GLIS3: variants seen among roughly 807,000 people sequenced by gnomAD.
GLIS3 encodes GLIS family zinc finger 3, also known as zinc finger protein GLIS3.
Under a neutral mutation model 78.6 loss-of-function variants are expected in GLIS3, and 53 were observed. That is an observed-to-expected ratio of 0.67 (90% CI 0.54 to 0.85). The LOEUF is 0.85. Ranked by LOEUF, GLIS3 falls within the 40% of genes least tolerant of loss-of-function variation. The pLI is 0.00. For missense variants in GLIS3, 1,703 were observed against 1,231.1 expected, an observed-to-expected ratio of 1.38 and a Z score of -5.74; for synonymous variants, 684 against 509.9, an observed-to-expected ratio of 1.34 and a Z score of -4.60.
intron 2 of GLIS3, among the ~76,000 whole-genome samples, chr9:4,279,410 T>A (rs986283818): frequency 6.7e-6 from 1 of 148,396 alleles, no homozygotes; most frequent in South Asian, 2.1e-4. Context: ...TCAGCGTTTT[T>A]TTTAATGAAA....
chr9:4,299,163 T>G (rs1487308848), intron 1 of GLIS3, among the ~76,000 whole-genome samples: 2 of 152,182 alleles, frequency 1.3e-5, no homozygotes, highest in African/African-American at 2.4e-5. Flanking sequence ...CTGGGCGCTC[T>G]TAGGCCACTG....
At chr9:4,380,273 C>CT in the GLIS3 span, among the ~76,000 whole-genome samples, 1 of 152,156 alleles carries the variant, frequency 6.6e-6, no homozygotes, top group Non-Finnish European at 1.5e-5. Flanking sequence ...AAATAACTCT[C>CT]TGCTGTTATT....
chr9:4,130,803 A>T, intron 2 of GLIS3, among the ~76,000 whole-genome samples: 1 of 152,152 alleles, frequency 6.6e-6, no homozygotes, highest in Non-Finnish European at 1.5e-5. Flanking sequence ...GTACTGCGTA[A>T]TGGAGCTGTG....
intron 4 of GLIS3, among the ~76,000 whole-genome samples, chr9:4,070,099 TATATA>T (rs1227117991): frequency 1.3e-4 from 20 of 152,124 alleles, no homozygotes; most frequent in African/African-American, 4.3e-4. Flanking sequence ...ACTATAAATA[TATATA>T]ATATATGACT....
chr9:3,906,078 G>T (rs117413626), intron 6 of GLIS3, among the ~76,000 whole-genome samples: 3,464 of 152,338 alleles, frequency 0.023, 63 homozygotes, highest in Non-Finnish European at 0.031. Context: ...CATTGGAGAG[G>T]AGTGAGCAAG....
Position 4,118,324 on chromosome 9 carries a change from C to A in GLIS3, c.1154G>T (p.Gly385Val), listed in dbSNP as rs200959196. The A allele has an allele frequency of 2.9e-4, 454 of 1,574,282 alleles. No individual in the cohort carries two copies. The highest frequency in any genetic ancestry group is 3.7e-4 in the Non-Finnish European group (434 of 1,163,152). The change falls in exon 4 of 11, where the codon GGC becomes GTC. Residue 385 changes from glycine to valine, a missense_variant. By Grantham distance (109) the Gly-to-Val change is moderately radical (BLOSUM62 -3). Transcript: ENST00000381971. This position sits in a 1 kb window ranked among gnomAD's most constrained non-coding sequence, Gnocchi z 4.7. ...CTCGTGCTCCAGGGCCCCGTCCTCG[C>A]CGTAGGCCGGCAGCGCCAGGCCTCC... ...APGGLALPAY[G>V]EDGALEHERM...
At chr9:4,143,433 G>A (rs552025682) in intron 2 of GLIS3, among the ~76,000 whole-genome samples, 4 of 152,044 alleles carry the variant, frequency 2.6e-5, no homozygotes, top group African/African-American at 7.2e-5. Flanking sequence ...CGGGCATGGT[G>A]GTGGGTGCCT....
chr9:3,860,802 T>C (rs929199988), intron 8 of GLIS3, among the ~76,000 whole-genome samples: 26 of 152,222 alleles, frequency 1.7e-4, no homozygotes, highest in African/African-American at 6.3e-4. Context: ...CATTTATTCA[T>C]TCAAGGGGTC....
intron 4 of GLIS3, among the ~76,000 whole-genome samples, chr9:3,951,841 AACACACACAC>A (rs3061609): frequency 2.8e-3 from 371 of 130,612 alleles, no homozygotes; most frequent in African/African-American, 5.3e-3. Flanking sequence ...AATAAGCATG[AACACACACAC>A]ACACACACAC....
chr9:4,270,323 T>G (rs963481915), intron 2 of GLIS3, among the ~76,000 whole-genome samples: 3 of 152,236 alleles, frequency 2.0e-5, no homozygotes, highest in African/African-American at 4.8e-5. Context: ...AATTATCTAT[T>G]GCTACATCAA....
intron 1 of GLIS3, among the ~76,000 whole-genome samples, chr9:4,287,768 CT>C (rs1038688355): frequency 1.2e-4 from 19 of 152,182 alleles, no homozygotes; most frequent in Non-Finnish European, 8.8e-5. Context: ...AGGAGAAACA[CT>C]TTTTGTGAAG....
intron 2 of GLIS3, among the ~76,000 whole-genome samples, chr9:4,142,005 G>A (rs1329499413): frequency 2.0e-5 from 3 of 152,128 alleles, no homozygotes; most frequent in Non-Finnish European, 2.9e-5. Flanking sequence ...TCTGCACCTT[G>A]TAGATGCGAA....
intron 4 of GLIS3, among the ~76,000 whole-genome samples, chr9:3,947,825 C>T (rs1265601146): frequency 2.0e-5 from 3 of 152,116 alleles, no homozygotes; most frequent in East Asian, 3.9e-4. Context: ...TCCACCACTG[C>T]GACAAGACAG....
intron 2 of GLIS3, among the ~76,000 whole-genome samples, chr9:4,280,046 G>A (rs933805248): frequency 6.6e-6 from 1 of 152,060 alleles, no homozygotes; most frequent in African/African-American, 2.4e-5. Flanking sequence ...TTGAGGCAGG[G>A]TCTCACTCTG....
chr9:4,330,940 G>A (rs1431113646), intron 2 of GLIS3, among the ~76,000 whole-genome samples: 5 of 152,152 alleles, frequency 3.3e-5, no homozygotes, highest in African/African-American at 1.2e-4. Context: ...CACATTAGCT[G>A]TGCTTCACTT....
the GLIS3 span, among the ~76,000 whole-genome samples, chr9:4,369,418 A>C: frequency 6.6e-6 from 1 of 152,206 alleles, no homozygotes; most frequent in Non-Finnish European, 1.5e-5. Context: ...AATTGATTGC[A>C]AAATGTTGAT....
At chr9:4,424,642 C>T in the GLIS3 span, among the ~76,000 whole-genome samples, 1 of 152,292 alleles carries the variant, frequency 6.6e-6, no homozygotes, top group East Asian at 1.9e-4. Context: ...CACCTCACTA[C>T]AGCCTCAAAC....
the GLIS3 span, among the ~76,000 whole-genome samples, chr9:4,419,373 TA>T: frequency 6.6e-6 from 1 of 152,108 alleles, no homozygotes; most frequent in Non-Finnish European, 1.5e-5. Context: ...CTGCAGGCTG[TA>T]CAGGAAGCAT....
chr9:3,964,522 CA>C (rs1272912259), intron 4 of GLIS3, among the ~76,000 whole-genome samples: 1 of 152,208 alleles, frequency 6.6e-6, no homozygotes, highest in Non-Finnish European at 1.5e-5. Context: ...TTAGTTACTA[CA>C]TTTAATTAAA....
Sources: gnomAD v4.1 joint callset for allele counts (sites outside exome capture counted in the v4.1 genomes callset) on GRCh38, gnomAD v4.1.1 for gene constraint, Gnocchi (gnomAD v3.1) non-coding constraint, MANE v1.5 for transcripts, NCBI Gene and HGNC (gene_info 2026-07-23, HGNC 2026-07-21) for gene names.